ZNF804B: variants seen among roughly 807,000 people sequenced by gnomAD.
ZNF804B encodes the protein zinc finger protein 804B.
A neutral mutation model predicts 101.4 loss-of-function variants in ZNF804B; 80 were observed. The ratio of observed to expected loss-of-function variants is 0.79; its 90% CI spans 0.66 to 0.95. The LOEUF (loss-of-function observed/expected upper bound fraction) is 0.95. Ranked by LOEUF, ZNF804B falls within the 40% of genes least tolerant of loss-of-function variation. The pLI is 0.00. For synonymous variants in ZNF804B, 622 were observed against 558.8 expected (o/e 1.11, Z -1.59); for missense variants, 1,673 against 1,561.9 (o/e 1.07, Z -1.20).
intron 1 of ZNF804B, among the ~76,000 whole-genome samples, chr7:88,817,361 G>A (rs144384282): frequency 2.7e-4 from 41 of 151,972 alleles, no homozygotes; most frequent in African/African-American, 8.4e-4. Context: ...GCACATGTAC[G>A]CTAGAACTTA....
At chr7:89,107,823 C>T (rs866129504) in intron 1 of ZNF804B, among the ~76,000 whole-genome samples, 1 of 152,104 alleles carries the variant, frequency 6.6e-6, no homozygotes, top group African/African-American at 2.4e-5. Context: ...AAAACTTCAC[C>T]GCTATTACTA....
intron 1 of ZNF804B, among the ~76,000 whole-genome samples, chr7:89,090,553 T>C (rs951448084): frequency 1.3e-5 from 2 of 152,074 alleles, no homozygotes; most frequent in South Asian, 2.1e-4. Flanking sequence ...TGACTACTTA[T>C]AGGTATTTAG....
At chr7:89,076,626 A>C (rs7778527) in intron 1 of ZNF804B, among the ~76,000 whole-genome samples, 3,709 of 152,294 alleles carry the variant, frequency 0.024, 156 homozygotes, top group African/African-American at 0.085. Flanking sequence ...TTAGATCCAA[A>C]TGATTTCTGA....
chr7:88,849,524 G>A (rs185622555), intron 1 of ZNF804B, among the ~76,000 whole-genome samples: 11 of 151,284 alleles, frequency 7.3e-5, no homozygotes, highest in African/African-American at 2.7e-4. Context: ...TTTTGAGACA[G>A]AGTCTCACTC....
rs1339763129 is a variant in ZNF804B, at chr7:88,868,373, AGG to A, written c.108+108290_108+108291del. 1.6e-4 allele frequency among the ~76,000 whole-genome samples: 24 copies of A among 152,306 alleles called. No individual in the cohort carries two copies. In the South Asian group the frequency reaches 2.5e-3, roughly 16 times the overall value. ...AGAACCTGATGTTAGGACAGAATAA[AGG>A]TATTTGAGTATAATATGTAATCTAT... is the stretch of plus-strand genomic sequence containing the variant. On this transcript the variant is annotated intron_variant, in intron 1 of 3. Coordinates refer to ENST00000333190, the MANE Select transcript of ZNF804B (RefSeq NM_181646.5).
intron 1 of ZNF804B, among the ~76,000 whole-genome samples, chr7:88,894,938 T>G (rs1792265229): frequency 6.6e-6 from 1 of 152,114 alleles, no homozygotes; most frequent in Non-Finnish European, 1.5e-5. Context: ...CCCTATGCAT[T>G]TTTAAAAACT....
At chr7:89,294,442 A>G (rs565113504) in intron 2 of ZNF804B, among the ~76,000 whole-genome samples, 17 of 152,212 alleles carry the variant, frequency 1.1e-4, no homozygotes, top group Non-Finnish European at 2.1e-4. Context: ...TTCTTGCTCT[A>G]TAAGAGATCA....
intron 1 of ZNF804B, among the ~76,000 whole-genome samples, chr7:88,988,833 C>T (rs114722421): frequency 0.018 from 2,670 of 152,146 alleles, 82 homozygotes; most frequent in African/African-American, 0.061. Context: ...CCTTTTAAAA[C>T]GAATTCATGC....
chr7:89,005,613 G>GA (rs1176292905), intron 1 of ZNF804B, among the ~76,000 whole-genome samples: 1 of 151,990 alleles, frequency 6.6e-6, no homozygotes, highest in Non-Finnish European at 1.5e-5. Flanking sequence ...TTCATTACAT[G>GA]AAAACTACTC....
chr7:89,008,351 A>T (rs1379530838), intron 1 of ZNF804B, among the ~76,000 whole-genome samples: 2 of 152,118 alleles, frequency 1.3e-5, no homozygotes, highest in African/African-American at 2.4e-5. Flanking sequence ...CAAAAAAAAC[A>T]GACTATCCTC....
At chr7:89,260,693 C>CAA (rs58545318) in intron 2 of ZNF804B, among the ~76,000 whole-genome samples, 1 of 152,116 alleles carries the variant, frequency 6.6e-6, no homozygotes, top group Admixed American at 6.6e-5. Context: ...AAGTATTTCA[C>CAA]AAAAACAGTA....
At chr7:89,208,351 G>A (rs1205793179) in intron 1 of ZNF804B, among the ~76,000 whole-genome samples, 3 of 152,068 alleles carry the variant, frequency 2.0e-5, no homozygotes, top group Non-Finnish European at 4.4e-5. Flanking sequence ...CAGAGTGCTG[G>A]GATTACAGGC....
chr7:88,827,013 T>A (rs2115773106), intron 1 of ZNF804B, among the ~76,000 whole-genome samples: 1 of 152,196 alleles, frequency 6.6e-6, no homozygotes, highest in Non-Finnish European at 1.5e-5. Flanking sequence ...AAACAGAAAA[T>A]AATTTTGAAA....
At chr7:89,090,891 G>A (rs879602571) in intron 1 of ZNF804B, among the ~76,000 whole-genome samples, 2 of 151,980 alleles carry the variant, frequency 1.3e-5, no homozygotes, top group Non-Finnish European at 2.9e-5. Flanking sequence ...AATAAAGACT[G>A]ATACAGACTA....
rs1287035066 is a variant in ZNF804B, at chr7:89,335,347, G to A, written c.2365G>A (p.Glu789Lys). Residue 789 changes from glutamate (E) to lysine (K), a missense_variant, in exon 4 of 4, where the codon GAA becomes AAA. Transcript: ENST00000333190. ...PQKERNCKLWESFKNEKYSKR... is the reference protein window; with the variant it reads ...PQKERNCKLWKSFKNEKYSKR... ...GAAAGAGAGGAACTGCAAATTGTGG[G>A]AATCATTTAAAAATGAAAAATACTC... The A allele has an allele frequency of 1.9e-6, 3 of 1,613,634 alleles. No homozygotes were observed. The highest frequency in any genetic ancestry group is 2.5e-6 in the Non-Finnish European group (3 of 1,179,912).
At chr7:88,914,373 G>A (rs1528934) in intron 1 of ZNF804B, among the ~76,000 whole-genome samples, 67,187 of 151,744 alleles carry the variant, frequency 0.44, 16,519 homozygotes, top group African/African-American at 0.66. Flanking sequence ...TTTCACGATT[G>A]CCCCTGCTAA....
chr7:88,811,320 G>T (rs992220865), intron 1 of ZNF804B, among the ~76,000 whole-genome samples: 3 of 152,170 alleles, frequency 2.0e-5, no homozygotes, highest in African/African-American at 7.2e-5. Flanking sequence ...TTTCACACCA[G>T]TCAGAATGAC....
At chr7:88,819,421 G>A (rs941256290) in intron 1 of ZNF804B, among the ~76,000 whole-genome samples, 7 of 152,046 alleles carry the variant, frequency 4.6e-5, no homozygotes, top group African/African-American at 9.7e-5. Context: ...GTGAGCCACC[G>A]TGCCTGGCCA....
At chr7:89,017,990 G>T (rs1282181046) in intron 1 of ZNF804B, among the ~76,000 whole-genome samples, 2 of 152,032 alleles carry the variant, frequency 1.3e-5, no homozygotes, top group Non-Finnish European at 2.9e-5. Context: ...TTCCTTTTTA[G>T]TTGGGATGCC....
Sources: gnomAD v4.1 joint callset for allele counts (sites outside exome capture counted in the v4.1 genomes callset) on GRCh38, gnomAD v4.1.1 for gene constraint, MANE v1.5 for transcripts, NCBI Gene and HGNC (gene_info 2026-07-23, HGNC 2026-07-21) for gene names.